TRPM3: variants seen among roughly 807,000 people sequenced by gnomAD.
TRPM3 encodes the protein transient receptor potential cation channel subfamily M member 3, also known as long transient receptor potential channel 3.
Under a neutral mutation model 181.2 loss-of-function variants are expected in TRPM3, and 77 were observed. The observed-to-expected ratio is 0.42, with a 90% confidence interval of 0.35 to 0.51. The LOEUF is 0.51. TRPM3 is among the 20% of genes least tolerant of loss of function. The probability of loss-of-function intolerance (pLI) is 0.01; values close to 1 mark genes in which losing one functional copy is unlikely to be tolerated. For synonymous variants in TRPM3, 745 were observed against 796.4 expected (o/e 0.94, Z 1.09); for missense variants, 1,759 against 2,196.7 (o/e 0.80, Z 3.98).
chr9:70,862,675 T>C (rs760437211), intron 3 of TRPM3, among the ~76,000 whole-genome samples: 16 of 152,182 alleles, frequency 1.1e-4, no homozygotes, highest in Non-Finnish European at 1.6e-4. Context: ...TCTGTAATTA[T>C]TTAAAAGTCA....
chr9:71,029,452 T>C (rs1050447447), intron 1 of TRPM3, among the ~76,000 whole-genome samples: 2 of 152,202 alleles, frequency 1.3e-5, no homozygotes, highest in African/African-American at 4.8e-5. Context: ...GAGTAAAGGC[T>C]ACATCTTGAA....
chr9:71,171,472 G>A (rs2076854169), intron 1 of TRPM3, among the ~76,000 whole-genome samples: 1 of 151,974 alleles, frequency 6.6e-6, no homozygotes, highest in South Asian at 2.1e-4. Context: ...TTTGTACTCT[G>A]TCCCTTTATT....
At chr9:71,444,415 G>A (rs1269829960) in intron 1 of TRPM3, among the ~76,000 whole-genome samples, 1 of 151,658 alleles carries the variant, frequency 6.6e-6, no homozygotes, top group Non-Finnish European at 1.5e-5. Flanking sequence ...TTTCTATTTT[G>A]TCTTCAAAAG....
intron 1 of TRPM3, among the ~76,000 whole-genome samples, chr9:71,284,778 C>T (rs1026807443): frequency 1.3e-5 from 2 of 152,104 alleles, no homozygotes; most frequent in African/African-American, 4.8e-5. Flanking sequence ...ATGTATTCTA[C>T]ATTACTTAGT....
intron 1 of TRPM3, among the ~76,000 whole-genome samples, chr9:71,283,650 C>T (rs1035278857): frequency 5.3e-5 from 8 of 152,148 alleles, no homozygotes; most frequent in Admixed American, 2.0e-4. Flanking sequence ...TTATATACCA[C>T]GTTTTGTTTA....
At chr9:71,360,052 G>C (rs771510685) in intron 1 of TRPM3, among the ~76,000 whole-genome samples, 1 of 152,150 alleles carries the variant, frequency 6.6e-6, no homozygotes, top group Non-Finnish European at 1.5e-5. Context: ...GCTAGAGGAA[G>C]AGTGGCCGGC....
chr9:70,820,687 C>T (rs565578538), intron 6 of TRPM3, among the ~76,000 whole-genome samples: 41 of 152,270 alleles, frequency 2.7e-4, no homozygotes, highest in African/African-American at 9.1e-4. Flanking sequence ...TTTTGAACTG[C>T]CACATGACAG....
At chr9:71,064,638 A>C (rs2061697471) in intron 1 of TRPM3, among the ~76,000 whole-genome samples, 1 of 152,078 alleles carries the variant, frequency 6.6e-6, no homozygotes. Context: ...GAATTATAAG[A>C]GTGGTTATTT....
intron 1 of TRPM3, among the ~76,000 whole-genome samples, chr9:71,367,751 T>C (rs1302488750): frequency 6.6e-6 from 1 of 152,122 alleles, no homozygotes; most frequent in African/African-American, 2.4e-5. Context: ...AATTAGCAAT[T>C]TCCCCCATGT....
intron 5 of TRPM3, among the ~76,000 whole-genome samples, chr9:70,830,978 G>A (rs910397618): frequency 2.6e-5 from 4 of 152,122 alleles, no homozygotes; most frequent in African/African-American, 7.2e-5. Context: ...TTTTGCACGA[G>A]ATAGAAATCA....
chr9:70,770,081 A>C (rs901736151), intron 7 of TRPM3, among the ~76,000 whole-genome samples: 4 of 150,928 alleles, frequency 2.7e-5, no homozygotes, highest in African/African-American at 7.3e-5. Flanking sequence ...CTCTATCTTT[A>C]TCTTTCTCTT....
At chr9:70,789,446 T>C (rs1378998158) in intron 6 of TRPM3, among the ~76,000 whole-genome samples, 1 of 152,156 alleles carries the variant, frequency 6.6e-6, no homozygotes, top group Non-Finnish European at 1.5e-5. Context: ...ATTTAAAAAA[T>C]ACAGTCTGTA....
intron 1 of TRPM3, among the ~76,000 whole-genome samples, chr9:70,947,232 G>T (rs1175041293): frequency 2.0e-5 from 3 of 152,138 alleles, no homozygotes; most frequent in Non-Finnish European, 2.9e-5. Flanking sequence ...TGGCTGCAGA[G>T]TTTCATCTCA....
In TRPM3 at chr9:70,635,237, A is replaced by G. The variant is rs2056962988; in HGVS notation, c.1606T>C (p.Tyr536His). Residue 536 changes from tyrosine (Y) to histidine (H), a missense_variant, in exon 12 of 26, where the codon TAC becomes CAC. Physicochemically the swap from Tyr to His is moderately conservative, Grantham distance 83. Transcript: ENST00000677713. ...TTTTTGACATCCCTGACCAAGTGGT[A>G]CAATGTATTTGAGGGCCCATGTCTC... ...NTRHGPSNTL[Y>H]HLVRDVKKRE... 6 of 1,614,008 alleles carry G rather than the reference A, an allele frequency of 3.7e-6. No homozygotes were observed. The highest frequency in any genetic ancestry group is 3.4e-6 in the Non-Finnish European group (4 of 1,179,938).
At chr9:71,383,214 A>AT (rs1475895882) in intron 1 of TRPM3, among the ~76,000 whole-genome samples, 1 of 152,174 alleles carries the variant, frequency 6.6e-6, no homozygotes, top group Admixed American at 6.6e-5. Context: ...ATATACGTGT[A>AT]TGTACATGTA....
intron 6 of TRPM3, among the ~76,000 whole-genome samples, chr9:70,786,904 C>T (rs1276515155): frequency 2.6e-5 from 4 of 152,100 alleles, no homozygotes; most frequent in African/African-American, 9.7e-5. Flanking sequence ...ATCTTTACTC[C>T]AACTCACAGA....
chr9:71,210,243 T>C (rs2079405757), intron 1 of TRPM3, among the ~76,000 whole-genome samples: 1 of 152,178 alleles, frequency 6.6e-6, no homozygotes. Context: ...ATCTAATGCC[T>C]GATGATCTGT....
At chr9:70,885,512 A>C (rs1449344878) in intron 1 of TRPM3, among the ~76,000 whole-genome samples, 1 of 152,088 alleles carries the variant, frequency 6.6e-6, no homozygotes, top group Non-Finnish European at 1.5e-5. Context: ...CCCAAACCAC[A>C]TTTTCTGGCT....
At chr9:70,963,522 T>C (rs1201403673) in intron 1 of TRPM3, among the ~76,000 whole-genome samples, 1 of 152,128 alleles carries the variant, frequency 6.6e-6, no homozygotes, top group African/African-American at 2.4e-5. Context: ...GGGCTGGCAA[T>C]TGTCCATGTC....
Sources: gnomAD v4.1 joint callset for allele counts (sites outside exome capture counted in the v4.1 genomes callset) on GRCh38, gnomAD v4.1.1 for gene constraint, MANE v1.5 for transcripts, NCBI Gene and HGNC (gene_info 2026-07-23, HGNC 2026-07-21) for gene names.